AGBL4: variants seen among roughly 807,000 people sequenced by gnomAD.
The protein encoded by AGBL4 is AGBL carboxypeptidase 4.
AGBL4 carries 58 observed loss-of-function variants against 66.4 expected under a neutral mutation model. The ratio of observed to expected loss-of-function variants is 0.87; its 90% CI spans 0.71 to 1.09. AGBL4 has a LOEUF of 1.09. AGBL4 is among the 50% of genes least tolerant of loss of function. The pLI, the probability that AGBL4 is intolerant of heterozygous loss-of-function variation, is 0.00. For synonymous variants in AGBL4, 234 were observed against 222.9 expected, an observed-to-expected ratio of 1.05 and a Z score of -0.44; for missense variants, 579 against 631.0, an observed-to-expected ratio of 0.92 and a Z score of 0.88.
At chr1:48,743,379 A>C (rs1051201708) in intron 6 of AGBL4, among the ~76,000 whole-genome samples, 3 of 152,240 alleles carry the variant, frequency 2.0e-5, no homozygotes, top group African/African-American at 7.2e-5. Context: ...TTTAAACAGC[A>C]AAAAGGAAGC....
intron 5 of AGBL4, among the ~76,000 whole-genome samples, chr1:49,009,280 G>T (rs1662164269): frequency 6.6e-6 from 1 of 152,144 alleles, no homozygotes; most frequent in Admixed American, 6.5e-5. Flanking sequence ...AAATCTAGAA[G>T]AAATGGATAA....
intron 2 of AGBL4, among the ~76,000 whole-genome samples, chr1:49,746,636 A>C (rs896575575): frequency 1.3e-5 from 2 of 152,098 alleles, no homozygotes; most frequent in Admixed American, 6.6e-5. Context: ...ATCTTTGATG[A>C]TGTGCTAAGA....
intron 3 of AGBL4, among the ~76,000 whole-genome samples, chr1:49,301,886 T>A (rs1402289165): frequency 6.6e-6 from 1 of 151,974 alleles, no homozygotes; most frequent in African/African-American, 2.4e-5. Context: ...CCATTCCCTA[T>A]CCCCCTGCCC....
chr1:48,864,214 CAT>C (rs1253612530), intron 6 of AGBL4, among the ~76,000 whole-genome samples: 1 of 151,986 alleles, frequency 6.6e-6, no homozygotes, highest in Non-Finnish European at 1.5e-5. Flanking sequence ...ATTAGGGAAA[CAT>C]ATATTATAAC....
intron 3 of AGBL4, among the ~76,000 whole-genome samples, chr1:49,663,846 A>G (rs1348297613): frequency 1.3e-5 from 2 of 152,132 alleles, no homozygotes; most frequent in African/African-American, 4.8e-5. Flanking sequence ...TCATTTAAAT[A>G]TAACCAATAA....
intron 3 of AGBL4, among the ~76,000 whole-genome samples, chr1:49,412,021 T>G (rs1346815731): frequency 6.6e-6 from 1 of 152,202 alleles, no homozygotes; most frequent in Admixed American, 6.5e-5. Context: ...ATTTCTCTAA[T>G]TTGTTCATTC....
At chr1:48,746,230 GT>G (rs1008689642) in intron 6 of AGBL4, among the ~76,000 whole-genome samples, 65 of 152,108 alleles carry the variant, frequency 4.3e-4, no homozygotes, top group Non-Finnish European at 7.4e-4. Context: ...TACAGAGTGG[GT>G]TTTTTTGGTA....
chr1:49,911,559 C>A (rs1571854152), intron 1 of AGBL4, among the ~76,000 whole-genome samples: 1 of 152,328 alleles, frequency 6.6e-6, no homozygotes, highest in African/African-American at 2.4e-5. Flanking sequence ...ACCCCACTGT[C>A]AGTCTAAAGT....
intron 2 of AGBL4, among the ~76,000 whole-genome samples, chr1:49,809,223 T>C (rs529627843): frequency 5.3e-5 from 8 of 152,184 alleles, no homozygotes; most frequent in African/African-American, 1.9e-4. Context: ...TTGTTACATA[T>C]GTATACATGT....
intron 3 of AGBL4, among the ~76,000 whole-genome samples, chr1:49,333,326 A>C (rs903704142): frequency 7.9e-5 from 12 of 152,162 alleles, no homozygotes; most frequent in African/African-American, 2.2e-4. Context: ...AAAAATACAA[A>C]AATTACCTGG....
intron 5 of AGBL4, among the ~76,000 whole-genome samples, chr1:48,948,427 C>T (rs1028491499): frequency 6.6e-6 from 1 of 152,226 alleles, no homozygotes; most frequent in Non-Finnish European, 1.5e-5. Flanking sequence ...GTTTTGCCGC[C>T]TTTCACTGAT....
intron 2 of AGBL4, among the ~76,000 whole-genome samples, chr1:49,805,628 A>G (rs1328098000): frequency 6.6e-6 from 1 of 152,194 alleles, no homozygotes; most frequent in Non-Finnish European, 1.5e-5. Context: ...GATTGTCTGA[A>G]TGCTTGTTTC....
chr1:48,584,683 T>A (rs1644791638), intron 11 of AGBL4: 1 of 152,312 alleles, frequency 6.6e-6, no homozygotes, highest in African/African-American at 2.4e-5. Context: ...GCCACTACAC[T>A]CTAGCCTGGG....
intron 5 of AGBL4, among the ~76,000 whole-genome samples, chr1:48,940,057 A>G (rs571879653): frequency 6.6e-6 from 1 of 152,288 alleles, no homozygotes; most frequent in East Asian, 1.9e-4. Context: ...GTCCCTTTAC[A>G]GTTTTCCAGG....
chr1:48,605,762 G>C (rs1025534264), intron 9 of AGBL4, among the ~76,000 whole-genome samples: 1 of 152,158 alleles, frequency 6.6e-6, no homozygotes, highest in African/African-American at 2.4e-5. Flanking sequence ...TCTTTGAGCA[G>C]AGACTCTCTC....
At chr1:48,840,058 T>G (rs924459928) in intron 6 of AGBL4, among the ~76,000 whole-genome samples, 1 of 152,068 alleles carries the variant, frequency 6.6e-6, no homozygotes, top group African/African-American at 2.4e-5. Context: ...GAGAGAGAAG[T>G]GGAAAGATGA....
At chr1:49,924,863 G>A (rs769339563) in intron 1 of AGBL4, among the ~76,000 whole-genome samples, 14 of 152,086 alleles carry the variant, frequency 9.2e-5, no homozygotes, top group Non-Finnish European at 2.9e-5. Context: ...CACAGCAACT[G>A]GGGGATACTG....
intron 1 of AGBL4, among the ~76,000 whole-genome samples, chr1:49,993,975 A>C (rs1047818413): frequency 6.6e-6 from 1 of 152,214 alleles, no homozygotes; most frequent in African/African-American, 2.4e-5. Flanking sequence ...TATCACCATA[A>C]AACTTTCCCG....
chr1:49,429,909 A>G (rs1645748978), intron 3 of AGBL4, among the ~76,000 whole-genome samples: 1 of 151,618 alleles, frequency 6.6e-6, no homozygotes, highest in African/African-American at 2.4e-5. Context: ...AAGCAGCCTA[A>G]TCAGGGCTTA....
Sources: allele counts gnomAD v4.1 joint callset (sites outside exome capture counted in the v4.1 genomes callset), GRCh38; gene constraint gnomAD v4.1.1; transcripts MANE v1.5; gene names NCBI Gene and HGNC (gene_info 2026-07-23, HGNC 2026-07-21).